VRK1: variants seen among roughly 807,000 people sequenced by gnomAD.
The protein encoded by VRK1 is serine/threonine-protein kinase VRK1.
VRK1 carries 33 observed loss-of-function variants against 57.1 expected under a neutral mutation model. That is an observed-to-expected ratio of 0.58 (90% confidence interval 0.44 to 0.77). The LOEUF (loss-of-function observed/expected upper bound fraction) is 0.77, where lower values mean the gene tolerates loss of function less well. Among genes scored for constraint, VRK1 ranks in the 30% least tolerant of loss-of-function variants. The pLI, the probability that VRK1 is intolerant of heterozygous loss-of-function variation, is 0.00. For missense variants in VRK1, 413 were observed against 477.3 expected, an observed-to-expected ratio of 0.87 and a Z score of 1.25; for synonymous variants, 137 against 147.8, an observed-to-expected ratio of 0.93 and a Z score of 0.53.
intron 1 of VRK1, among the ~76,000 whole-genome samples, chr14:96,802,233 A>G (rs1885690745): frequency 6.6e-6 from 1 of 152,206 alleles, no homozygotes; most frequent in South Asian, 2.1e-4. Flanking sequence ...TACATTTGAC[A>G]CACAATCCAG....
At chr14:96,870,529 T>A (rs1425030409) in intron 11 of VRK1, among the ~76,000 whole-genome samples, 1 of 152,200 alleles carries the variant, frequency 6.6e-6, no homozygotes, top group East Asian at 1.9e-4. Context: ...AGACCGTAGT[T>A]CATTGAATCT....
intron 1 of VRK1, among the ~76,000 whole-genome samples, chr14:96,815,275 G>C (rs915416700): frequency 1.3e-5 from 2 of 152,116 alleles, no homozygotes; most frequent in Non-Finnish European, 2.9e-5. Context: ...TATATTGTTA[G>C]TGAAAGAAAT....
chr14:96,865,523 A>G lies in VRK1; in HGVS notation c.1068+4788A>G, dbSNP rs184210348. On this transcript the variant is annotated intron_variant, in intron 11 of 12. Transcript: ENST00000216639. Reference sequence around the variant, plus strand: ...TCTTCGCTCTTTGAATTTACATACAAATTTTAGAATTGGCTTATTAGTTTC... The same window carrying G: ...TCTTCGCTCTTTGAATTTACATACAGATTTTAGAATTGGCTTATTAGTTTC... 1.2e-3 allele frequency among the ~76,000 whole-genome samples: 190 copies of G among 152,238 alleles called. 2 individuals carry two copies. The highest frequency in any genetic ancestry group is 4.4e-4 in the Non-Finnish European group (30 of 67,994).
intron 1 of VRK1, among the ~76,000 whole-genome samples, chr14:96,820,913 T>G (rs1010797242): frequency 2.0e-5 from 3 of 152,190 alleles, no homozygotes; most frequent in Admixed American, 6.5e-5. Flanking sequence ...TAACAGGAGT[T>G]TCATAGCTCT....
At chr14:96,806,742 C>A (rs1041794480) in intron 1 of VRK1, among the ~76,000 whole-genome samples, 24 of 152,046 alleles carry the variant, frequency 1.6e-4, no homozygotes, top group Admixed American at 1.6e-3. Flanking sequence ...TTTGATATAC[C>A]TGAAGGTATT....
At chr14:96,830,976 T>C (rs1375079391) in intron 1 of VRK1, among the ~76,000 whole-genome samples, 5 of 152,200 alleles carry the variant, frequency 3.3e-5, no homozygotes, top group African/African-American at 4.8e-5. Flanking sequence ...CTGGTTAGTT[T>C]TGAGAGTTGT....
At chr14:96,874,211 A>G (rs920618291) in intron 11 of VRK1, among the ~76,000 whole-genome samples, 3 of 152,176 alleles carry the variant, frequency 2.0e-5, no homozygotes, top group East Asian at 1.9e-4. Context: ...TGAACAAACA[A>G]AAGTGTCTGT....
chr14:96,799,922 T>C (rs1418959501), intron 1 of VRK1, among the ~76,000 whole-genome samples: 1 of 152,140 alleles, frequency 6.6e-6, no homozygotes, highest in Non-Finnish European at 1.5e-5. Flanking sequence ...GAAGCAAGTT[T>C]TCTTTGTTTT....
rs771269721 is a variant in VRK1 at position 96,833,497 on chromosome 14, C to G, written c.26C>G (p.Ala9Gly). The G allele has an allele frequency of 1.2e-6, 2 of 1,613,500 alleles. No individual in the cohort carries two copies. Among genetic ancestry groups the G allele is most frequent in the African/African-American group, 1.3e-5 (1 of 74,854 alleles). The change falls in exon 2 of 13, where the codon GCT becomes GGT. Residue 9 changes from alanine to glycine, a missense_variant. By Grantham distance (60) the Ala-to-Gly change is moderately conservative. Coordinates refer to ENST00000216639, the MANE Select transcript of VRK1 (RefSeq NM_003384.3). ...ATGCCTCGTGTAAAAGCAGCTCAAG[C>G]TGGAAGACAGAGCTCTGCAAAGAGA... MPRVKAAQ[A>G]GRQSSAKRHL...
intron 11 of VRK1, among the ~76,000 whole-genome samples, chr14:96,872,832 T>G (rs1356046312): frequency 6.6e-6 from 1 of 152,204 alleles, no homozygotes; most frequent in East Asian, 1.9e-4. Context: ...TTACTACTAA[T>G]ATTCTATTTT....
intron 11 of VRK1, among the ~76,000 whole-genome samples, chr14:96,866,259 A>G (rs546064168): frequency 1.3e-5 from 2 of 152,260 alleles, no homozygotes; most frequent in African/African-American, 4.8e-5. Context: ...TATATTGCCA[A>G]TTCATTTTCT....
At chr14:96,826,182 C>A (rs74790072) in intron 1 of VRK1, among the ~76,000 whole-genome samples, 12,628 of 152,130 alleles carry the variant, frequency 0.083, 687 homozygotes, top group Non-Finnish European at 0.13. Flanking sequence ...ATATTCATAG[C>A]AGAACTTTTT....
At chr14:96,868,578 A>T (rs1487590016) in intron 11 of VRK1, among the ~76,000 whole-genome samples, 1 of 152,142 alleles carries the variant, frequency 6.6e-6, no homozygotes, top group African/African-American at 2.4e-5. Context: ...TGATGCACAC[A>T]TACTATTTTT....
intron 4 of VRK1, 55 bp downstream of exon 4, chr14:96,846,219 T>C: frequency 6.5e-7 from 1 of 1,543,474 alleles, no homozygotes; most frequent in Non-Finnish European, 9.0e-7. Flanking sequence ...GTTTTTTGTT[T>C]TAAGCCAAGA....
intron 10 of VRK1, chr14:96,858,850 A>T (rs989270457): frequency 6.6e-6 from 1 of 152,166 alleles, no homozygotes; most frequent in Non-Finnish European, 1.5e-5. Context: ...GGACTTTGCT[A>T]CTTTGCTATT....
At chr14:96,830,218 T>G (rs575985462) in intron 1 of VRK1, among the ~76,000 whole-genome samples, 1 of 152,184 alleles carries the variant, frequency 6.6e-6, no homozygotes, top group Admixed American at 6.5e-5. Context: ...GTATGTGATA[T>G]GACCTTTCAA....
rs1887739604 is a variant in VRK1 at position 96,847,251 on chromosome 14, T to G, written c.287-6T>G. ...TGAAATCACAAAGATCTGTTTTAATTTGTAGTTCAGAAATGGATTCGTACC... is the reference window on the plus strand; with the variant it reads ...TGAAATCACAAAGATCTGTTTTAATGTGTAGTTCAGAAATGGATTCGTACC... On this transcript the variant is annotated splice_polypyrimidine_tract_variant and splice_region_variant and intron_variant, in intron 4 of 12. Transcript: ENST00000216639. 1 of 1,612,038 alleles carries G rather than the reference T, an allele frequency of 6.2e-7. No homozygotes were observed. The highest frequency in any genetic ancestry group is 8.5e-7 in the Non-Finnish European group (1 of 1,178,370).
chr14:96,804,192 A>T (rs1017177374), intron 1 of VRK1, among the ~76,000 whole-genome samples: 3 of 152,156 alleles, frequency 2.0e-5, no homozygotes, highest in African/African-American at 7.2e-5. Flanking sequence ...TTTGCACAGG[A>T]TGTGAGCTTT....
At chr14:96,854,446 G>A (rs1017797662) in intron 7 of VRK1, among the ~76,000 whole-genome samples, 3 of 152,024 alleles carry the variant, frequency 2.0e-5, no homozygotes, top group African/African-American at 2.4e-5. Context: ...TTTTACTTCA[G>A]TTTCCTCTTG....
Sources: allele counts gnomAD v4.1 joint callset (sites outside exome capture counted in the v4.1 genomes callset), GRCh38; gene constraint gnomAD v4.1.1; transcripts MANE v1.5; gene names NCBI Gene and HGNC (gene_info 2026-07-23, HGNC 2026-07-21).